FHIP1A: variants seen among roughly 807,000 people sequenced by gnomAD.
The protein encoded by FHIP1A is FHF complex subunit HOOK interacting protein 1A, also known as FHF complex subunit HOOK-interacting protein 1A.
In FHIP1A, 61 loss-of-function variants were observed where a neutral mutation model predicts 88.6. That is an observed-to-expected ratio of 0.69 (90% CI 0.56 to 0.85). The LOEUF (loss-of-function observed/expected upper bound fraction) is 0.85. Ranked by LOEUF, FHIP1A falls within the 40% of genes least tolerant of loss-of-function variation. The probability of loss-of-function intolerance (pLI) is 0.00; values close to 1 mark genes in which losing one functional copy is unlikely to be tolerated. For missense variants in FHIP1A, 1,154 were observed against 1,273.5 expected, an observed-to-expected ratio of 0.91 and a Z score of 1.43; for synonymous variants, 478 against 496.0, an observed-to-expected ratio of 0.96 and a Z score of 0.48.
chr4:151,546,672 T>G (rs946302915), intron 3 of FHIP1A, among the ~76,000 whole-genome samples: 1 of 152,130 alleles, frequency 6.6e-6, no homozygotes, highest in Non-Finnish European at 1.5e-5. Flanking sequence ...GAAATCTCAG[T>G]TACCCAGGAC....
chr4:151,488,318 C>T (rs1420656136), intron 3 of FHIP1A, among the ~76,000 whole-genome samples: 1 of 152,068 alleles, frequency 6.6e-6, no homozygotes, highest in Non-Finnish European at 1.5e-5. Flanking sequence ...CAGCTCTTTC[C>T]CCCCTCACTC....
intron 7 of FHIP1A, among the ~76,000 whole-genome samples, chr4:151,618,960 C>T (rs1735642408): frequency 6.6e-6 from 1 of 152,160 alleles, no homozygotes; most frequent in Non-Finnish European, 1.5e-5. Context: ...AATGCAAGTA[C>T]CTTAAGCACC....
chr4:151,522,324 ATTGT>A (rs1428029379), intron 3 of FHIP1A, among the ~76,000 whole-genome samples: 2 of 152,320 alleles, frequency 1.3e-5, no homozygotes, highest in East Asian at 3.9e-4. Flanking sequence ...GTGAAATAGA[ATTGT>A]TTGTTTTAGT....
At chr4:151,504,717 G>A (rs1395899354) in intron 3 of FHIP1A, among the ~76,000 whole-genome samples, 1 of 152,086 alleles carries the variant, frequency 6.6e-6, no homozygotes, top group African/African-American at 2.4e-5. Context: ...TGCCTCCTGG[G>A]TTCCAGCAAT....
At chr4:151,650,968 C>T (rs964786704) in intron 11 of FHIP1A, among the ~76,000 whole-genome samples, 1 of 152,130 alleles carries the variant, frequency 6.6e-6, no homozygotes, top group African/African-American at 2.4e-5. Flanking sequence ...TAACAAATGA[C>T]TGTCTCCCCC....
At chr4:151,606,114 T>C (rs1735064292) in intron 7 of FHIP1A, among the ~76,000 whole-genome samples, 1 of 152,216 alleles carries the variant, frequency 6.6e-6, no homozygotes, top group Non-Finnish European at 1.5e-5. Flanking sequence ...CAGCATGCTG[T>C]TCAACCATGA....
chr4:151,421,220 T>A (rs1733150939), intron 1 of FHIP1A, among the ~76,000 whole-genome samples: 2 of 152,248 alleles, frequency 1.3e-5, no homozygotes, highest in Non-Finnish European at 2.9e-5. Flanking sequence ...AAATGAGCTG[T>A]GTGTTCCCAG....
Position 151,662,964 on chromosome 4 carries a change from A to G in FHIP1A, c.*210A>G, listed in dbSNP as rs1294518434. ...TTATATATAGAATGTAAGTCTCATA[A>G]GCTGGTTGCTCCCTTGGCAGTTTTC... On this transcript the variant is annotated 3_prime_UTR_variant, in exon 14 of 14. Transcript: ENST00000435205. The G allele has an allele frequency of 2.2e-6, 1 of 455,600 alleles. No individual in the cohort carries two copies. The highest frequency in any genetic ancestry group is 3.7e-6 in the Non-Finnish European group (1 of 269,050). The allele number at this position is 455,600 out of a possible 1,614,324, so 28.2% of individuals were successfully genotyped here.
intron 7 of FHIP1A, among the ~76,000 whole-genome samples, chr4:151,601,064 G>A (rs1458355636): frequency 6.6e-6 from 1 of 152,186 alleles, no homozygotes; most frequent in African/African-American, 2.4e-5. Flanking sequence ...TGAATGTGCT[G>A]TAAAGGGTCA....
chr4:151,450,327 T>C (rs1024112781), intron 1 of FHIP1A, among the ~76,000 whole-genome samples: 1 of 152,164 alleles, frequency 6.6e-6, no homozygotes, highest in Non-Finnish European at 1.5e-5. Context: ...TAAAGCTGTT[T>C]CCATTTAATA....
chr4:151,531,049 A>G (rs1204384722), intron 3 of FHIP1A, among the ~76,000 whole-genome samples: 5 of 152,064 alleles, frequency 3.3e-5, no homozygotes, highest in Admixed American at 1.3e-4. Flanking sequence ...TTTTGTTTAT[A>G]TTCTGTTGTC....
chr4:151,542,653 G>T (rs989892195), intron 3 of FHIP1A, among the ~76,000 whole-genome samples: 12 of 152,116 alleles, frequency 7.9e-5, no homozygotes, highest in African/African-American at 2.2e-4. Flanking sequence ...TCATGAACTG[G>T]CCCCTGACTC....
chr4:151,538,259 C>T (rs1732144383), intron 3 of FHIP1A, among the ~76,000 whole-genome samples: 1 of 152,130 alleles, frequency 6.6e-6, no homozygotes, highest in Non-Finnish European at 1.5e-5. Context: ...TCATCAATTT[C>T]TTCAGTTGTA....
At chr4:151,509,035 G>A (rs1418505002) in intron 3 of FHIP1A, among the ~76,000 whole-genome samples, 1 of 152,188 alleles carries the variant, frequency 6.6e-6, no homozygotes, top group African/African-American at 2.4e-5. Flanking sequence ...GTGCTACAGT[G>A]CTAGGATGGG....
At chr4:151,606,955 G>A in intron 7 of FHIP1A, among the ~76,000 whole-genome samples, 1 of 152,198 alleles carries the variant, frequency 6.6e-6, no homozygotes, top group East Asian at 1.9e-4. Flanking sequence ...TGCTGCTGTT[G>A]TCTCCACAGC....
intron 3 of FHIP1A, among the ~76,000 whole-genome samples, chr4:151,492,464 C>T (rs1479666745): frequency 1.3e-5 from 2 of 151,788 alleles, no homozygotes; most frequent in African/African-American, 4.8e-5. Flanking sequence ...TTGTGGTGTG[C>T]ACCTGTAGTC....
intron 2 of FHIP1A, among the ~76,000 whole-genome samples, chr4:151,479,429 G>A (rs983624720): frequency 2.6e-5 from 4 of 152,012 alleles, no homozygotes; most frequent in East Asian, 1.9e-4. Context: ...AGAATATTTT[G>A]TTCTACTATG....
chr4:151,477,764 G>A (rs1729759289), intron 2 of FHIP1A, among the ~76,000 whole-genome samples: 1 of 152,052 alleles, frequency 6.6e-6, no homozygotes, highest in Admixed American at 6.6e-5. Flanking sequence ...TCACAGATAC[G>A]CACATTACAA....
intron 1 of FHIP1A, among the ~76,000 whole-genome samples, chr4:151,427,754 T>C (rs545241699): frequency 6.6e-6 from 1 of 152,260 alleles, no homozygotes; most frequent in East Asian, 1.9e-4. Flanking sequence ...CTGGAGGATG[T>C]CAACTACAGA....
Sources: gnomAD v4.1 joint callset for allele counts (sites outside exome capture counted in the v4.1 genomes callset) on GRCh38, gnomAD v4.1.1 for gene constraint, MANE v1.5 for transcripts, NCBI Gene and HGNC (gene_info 2026-07-23, HGNC 2026-07-21) for gene names.